The following ADCY1 variants were observed in gnomAD, a reference collection of about 807,000 sequenced individuals.
ADCY1 encodes the protein adenylate cyclase 1, also known as adenylate cyclase type 1.
ADCY1 carries 28 observed loss-of-function variants against 105.4 expected under a neutral mutation model. That is an observed-to-expected ratio of 0.27 (90% CI 0.20 to 0.36). The LOEUF (loss-of-function observed/expected upper bound fraction) is 0.36, where lower values mean the gene tolerates loss of function less well. ADCY1 is among the 10% of genes least tolerant of loss of function. ADCY1 has a pLI of 1.00. For missense variants in ADCY1, 977 were observed against 1,434.2 expected (o/e 0.68, Z 5.15); for synonymous variants, 655 against 623.8 (o/e 1.05, Z -0.75).
chr7:45,611,016 T>G (rs4724422), intron 3 of ADCY1, among the ~76,000 whole-genome samples: 1 of 119,006 alleles, frequency 8.4e-6, no homozygotes, highest in African/African-American at 3.1e-5. Flanking sequence ...GTGGTGGAGG[T>G]GTGGAGGTGA....
At chr7:45,666,183 T>C (rs1441348855) in intron 8 of ADCY1, among the ~76,000 whole-genome samples, 1 of 152,152 alleles carries the variant, frequency 6.6e-6, no homozygotes, top group East Asian at 1.9e-4. Flanking sequence ...ATGTGAACAA[T>C]GTGCAGGTTA....
chr7:45,685,517 G>A (rs2116208884), intron 12 of ADCY1, among the ~76,000 whole-genome samples: 1 of 151,786 alleles, frequency 6.6e-6, no homozygotes, highest in Admixed American at 6.6e-5. Flanking sequence ...GGAGAAACAG[G>A]AAGGACAGAG....
intron 2 of ADCY1, among the ~76,000 whole-genome samples, chr7:45,598,853 A>C (rs1793143965): frequency 6.6e-6 from 1 of 152,170 alleles, no homozygotes; most frequent in South Asian, 2.1e-4. Context: ...ATTATGGAGG[A>C]CGGAGCTCGG....
At chr7:45,657,916 G>GGGGGGGGGGGGGT in intron 6 of ADCY1, 31 bp downstream of exon 6, 1 of 502,918 alleles carries the variant, frequency 2.0e-6, no homozygotes, top group Admixed American at 2.2e-5. Flanking sequence ...GGAGGGGAGG[G>GGGGGGGGGGGGGT]AGGTGGGTGA....
At chr7:45,608,621 CA>C (rs1793445102) in intron 2 of ADCY1, among the ~76,000 whole-genome samples, 1 of 152,358 alleles carries the variant, frequency 6.6e-6, no homozygotes, top group African/African-American at 2.4e-5. Flanking sequence ...GGATGTGTGC[CA>C]GGGGCTTCCC....
intron 8 of ADCY1, among the ~76,000 whole-genome samples, chr7:45,670,591 C>T (rs1317294765): frequency 6.6e-6 from 1 of 152,162 alleles, no homozygotes; most frequent in African/African-American, 2.4e-5. Context: ...GTCCATCATT[C>T]CGTGACCTGA....
intron 1 of ADCY1, among the ~76,000 whole-genome samples, chr7:45,580,424 A>G (rs1388337969): frequency 6.6e-6 from 1 of 152,226 alleles, no homozygotes; most frequent in African/African-American, 2.4e-5. Context: ...TCTGGTTCCC[A>G]TGACCCCACG....
intron 1 of ADCY1, among the ~76,000 whole-genome samples, chr7:45,588,526 T>C (rs1792803015): frequency 6.6e-6 from 1 of 152,210 alleles, no homozygotes; most frequent in South Asian, 2.1e-4. Flanking sequence ...TATGTACCCA[T>C]CTGTGAATTA....
At chr7:45,584,427 G>A (rs1408019414) in intron 1 of ADCY1, among the ~76,000 whole-genome samples, 1 of 152,214 alleles carries the variant, frequency 6.6e-6, no homozygotes, top group African/African-American at 2.4e-5. Context: ...GGAGATGTCA[G>A]GCACCCACTG....
chr7:45,607,078 G>A (rs1029209770), intron 2 of ADCY1, among the ~76,000 whole-genome samples: 4 of 151,756 alleles, frequency 2.6e-5, no homozygotes, highest in Non-Finnish European at 5.9e-5. Context: ...GAAAGGTTTT[G>A]TACTTTAGTC....
chr7:45,593,981 C>T (rs1793001242), intron 2 of ADCY1, among the ~76,000 whole-genome samples: 1 of 152,156 alleles, frequency 6.6e-6, no homozygotes, highest in Admixed American at 6.5e-5. Context: ...ATGTGCATCC[C>T]TGTGGAGATG....
chr7:45,621,699 T>C (rs922900157), intron 3 of ADCY1, among the ~76,000 whole-genome samples: 10 of 152,188 alleles, frequency 6.6e-5, no homozygotes, highest in African/African-American at 2.4e-4. Context: ...CACTGTGTTG[T>C]GAACAAAATA....
chr7:45,678,202 G>A lies in ADCY1; in HGVS notation c.1837G>A (p.Val613Ile), dbSNP rs752410249. The change falls in exon 10 of 20, where the codon GTT (valine) becomes ATT (isoleucine). Residue 613 changes from valine (V) to isoleucine (I), a missense_variant. Val to Ile is a conservative substitution (Grantham distance 29, BLOSUM62 3). Transcript: ENST00000297323. ...TCAGGACGAGTATTTCACCAGCGCC[G>A]TTGTCCTCACCCTCATCCTGGCTGC... is the stretch of plus-strand genomic sequence containing the variant. Reference protein sequence around the residue: ...QLQDEYFTSAVVLTLILAALF... With the variant: ...QLQDEYFTSAIVLTLILAALF... 30 of 1,614,084 alleles carry A rather than the reference G, an allele frequency of 1.9e-5. No homozygotes were observed. Among genetic ancestry groups the A allele is most frequent in the Admixed American group, 6.7e-5 (4 of 59,994 alleles).
chr7:45,596,471 A>G (rs1411434939), intron 2 of ADCY1, among the ~76,000 whole-genome samples: 4 of 151,812 alleles, frequency 2.6e-5, no homozygotes, highest in Non-Finnish European at 4.4e-5. Flanking sequence ...GGATGGATGT[A>G]CCCTGGTCCT....
Position 45,648,738 on chromosome 7 carries a change from C to A in ADCY1, c.1089C>A (p.Pro363=). The A allele has an allele frequency of 6.2e-7, 1 of 1,614,176 alleles. No homozygotes were observed. The change falls in exon 5 of 20, where the codon CCC becomes CCA. Residue 363 remains proline (P), a synonymous_variant. Coordinates refer to ENST00000297323, the MANE Select transcript of ADCY1 (RefSeq NM_021116.4). Reference sequence around the variant, plus strand: ...ACTGCGTGTCGGGCCTCACCCAGCCCAAGACTGACCATGCCCACTGCTGTG... The same window carrying A: ...ACTGCGTGTCGGGCCTCACCCAGCCAAAGACTGACCATGCCCACTGCTGTG... ...CYYCVSGLTQ[P]KTDHAHCCVE... is the part of the protein sequence containing the mutation.
intron 3 of ADCY1, among the ~76,000 whole-genome samples, chr7:45,613,334 A>G (rs1466506004): frequency 1.3e-5 from 2 of 152,210 alleles, no homozygotes; most frequent in African/African-American, 4.8e-5. Context: ...TAGATCAAGC[A>G]GAATAAAAGA....
At chr7:45,652,158 G>A (rs1156267091) in intron 5 of ADCY1, among the ~76,000 whole-genome samples, 1 of 152,118 alleles carries the variant, frequency 6.6e-6, no homozygotes, top group African/African-American at 2.4e-5. Flanking sequence ...GATCTCGTGA[G>A]AATTCACTCA....
chr7:45,616,063 C>T (rs1793729195), intron 3 of ADCY1, among the ~76,000 whole-genome samples: 2 of 152,076 alleles, frequency 1.3e-5, no homozygotes, highest in South Asian at 4.1e-4. Flanking sequence ...ACTGTGAACA[C>T]CAGCAAACTG....
In ADCY1 at chr7:45,592,920, G is replaced by C; in HGVS notation, c.789+12G>C. 1 of 1,614,144 alleles carries C rather than the reference G, an allele frequency of 6.2e-7. No homozygotes were observed. Among genetic ancestry groups the C allele is most frequent in the South Asian group, 1.1e-5 (1 of 91,088 alleles). ...AGAACGAGAAGCAGGTCAGTGGCTT[G>C]GGCCAGTCAGCCTAGAGGGGTTGGC... On this transcript the variant is annotated intron_variant, in intron 2 of 19. Coordinates refer to ENST00000297323, the MANE Select transcript of ADCY1 (RefSeq NM_021116.4).
Sources: allele counts gnomAD v4.1 joint callset (sites outside exome capture counted in the v4.1 genomes callset), GRCh38; gene constraint gnomAD v4.1.1; transcripts MANE v1.5; gene names NCBI Gene and HGNC (gene_info 2026-07-23, HGNC 2026-07-21).